The following IGDCC4 variants were observed in gnomAD, a reference collection of about 807,000 sequenced individuals.
IGDCC4 encodes immunoglobulin superfamily DCC subclass member 4.
In IGDCC4, 72 loss-of-function variants were observed where a neutral mutation model predicts 116.6. That is an observed-to-expected ratio of 0.62 (90% CI 0.51 to 0.75). IGDCC4 has a LOEUF of 0.75. Among genes scored for constraint, IGDCC4 ranks in the 30% least tolerant of loss-of-function variants. The pLI, the probability that IGDCC4 is intolerant of heterozygous loss-of-function variation, is 0.00. For synonymous variants in IGDCC4, 709 were observed against 719.9 expected (o/e 0.98, Z 0.24); for missense variants, 1,501 against 1,662.4 (o/e 0.90, Z 1.69).
chr15:65,384,280 G>A lies in IGDCC4; in HGVS notation c.3482C>T (p.Pro1161Leu), dbSNP rs61747070. 4.7e-3 allele frequency: 7,614 copies of A among 1,606,874 alleles called. 290 individuals are homozygous for A. In the African/African-American group the frequency reaches 0.088, roughly 19 times the overall value. ...ACCCGAGATGAGATCAGGAGCCTCT[G>A]GAGGCAGGGGGTCCTCAGGCTCCAG... ...QDLEPEDPLP[P>L]EAPDLISGVG... Residue 1161 changes from proline (P) to leucine (L), a missense_variant, in exon 20 of 20, where the codon CCA (proline) becomes CTA (leucine). By Grantham distance (98) the Pro-to-Leu change is moderately conservative. Coordinates refer to ENST00000352385, the MANE Select transcript of IGDCC4 (RefSeq NM_020962.3). This position sits in a 1 kb window ranked among gnomAD's most constrained non-coding sequence, Gnocchi z 4.9.
chr15:65,395,268 CG>C lies in IGDCC4; in HGVS notation c.1412-11del, dbSNP rs1325344370. On this transcript the variant is annotated splice_polypyrimidine_tract_variant and intron_variant, in intron 7 of 19. Coordinates refer to ENST00000352385, the MANE Select transcript of IGDCC4 (RefSeq NM_020962.3). ...TCCACATTGTCCATGCCTGGTGACA[CG>C]GGGGACAAGGGGACTGTCATAGTGC... 3 of 1,604,092 alleles carry C rather than the reference CG, an allele frequency of 1.9e-6. No individual in the cohort carries two copies. Among genetic ancestry groups the C allele is most frequent in the Non-Finnish European group, 1.7e-6 (2 of 1,172,412 alleles).
At chr15:65,413,836 G>A (rs779336629) in intron 1 of IGDCC4, among the ~76,000 whole-genome samples, 1 of 152,174 alleles carries the variant, frequency 6.6e-6, no homozygotes, top group African/African-American at 2.4e-5. Context: ...GGAGACCCTC[G>A]GTTCTAGATC....
intron 9 of IGDCC4, 120 bp downstream of exon 9, chr15:65,394,291 A>G: frequency 6.7e-7 from 1 of 1,489,944 alleles, no homozygotes; most frequent in Non-Finnish European, 9.1e-7. Flanking sequence ...ACCCTTCCCC[A>G]ACCCCTACTC....
In IGDCC4 at chr15:65,384,781, A is replaced by G; in HGVS notation, c.3342+173T>C. ...AACCCAGGTTGAAACAGGTTCCTGC[A>G]AACTGGCCTGCCCTCCACCTACTCA... On this transcript the variant is annotated intron_variant, in intron 19 of 19. Coordinates refer to ENST00000352385, the MANE Select transcript of IGDCC4 (RefSeq NM_020962.3). This position sits in a 1 kb window ranked among gnomAD's most constrained non-coding sequence, Gnocchi z 4.9. 1 of 829,684 alleles carries G rather than the reference A, an allele frequency of 1.2e-6. No individual in the cohort carries two copies. Among genetic ancestry groups the G allele is most frequent in the Non-Finnish European group, 1.8e-6 (1 of 549,830 alleles). The allele number at this position is 829,684 out of a possible 1,614,324, so 51.4% of individuals were successfully genotyped here.
At chr15:65,409,451 A>T (rs2063068857) in intron 3 of IGDCC4, among the ~76,000 whole-genome samples, 1 of 152,142 alleles carries the variant, frequency 6.6e-6, no homozygotes, top group Non-Finnish European at 1.5e-5. Flanking sequence ...GATACGTAAG[A>T]ATCCAGGGGG....
intron 1 of IGDCC4, among the ~76,000 whole-genome samples, chr15:65,412,509 C>A (rs1474652399): frequency 3.6e-5 from 1 of 27,514 alleles, no homozygotes; most frequent in Non-Finnish European, 5.2e-5. Context: ...GAGATTCCAT[C>A]TCAAAAAAAA....
At chr15:65,400,708 C>T in intron 5 of IGDCC4, 98 bp downstream of exon 5, 2 of 1,434,826 alleles carry the variant, frequency 1.4e-6, no homozygotes, top group Non-Finnish European at 1.9e-6. Flanking sequence ...GGTTCGTGAC[C>T]ACTGGGTCGT....
In IGDCC4 at chr15:65,385,879, G is replaced by C. The variant is rs2091451405; in HGVS notation, c.3132C>G (p.Ser1044Arg). Residue 1044 changes from serine (S) to arginine (R), a missense_variant, in exon 18 of 20, where the codon AGC becomes AGG. By Grantham distance (110) the Ser-to-Arg change is moderately radical. Coordinates refer to ENST00000352385, the MANE Select transcript of IGDCC4 (RefSeq NM_020962.3). Reference sequence around the variant, plus strand: ...CTTCAGAAACACCGCCACCCATAAGGCTGTGCACTTCAGCCCTGTCCTCCA... The same window carrying C: ...CTTCAGAAACACCGCCACCCATAAGCCTGTGCACTTCAGCCCTGTCCTCCA... ...SDVEDRAEVHSLMGGGVSEGR... is the reference protein window; with the variant it reads ...SDVEDRAEVHRLMGGGVSEGR... 2 of 1,612,740 alleles carry C rather than the reference G, an allele frequency of 1.2e-6. No homozygotes were observed. The highest frequency in any genetic ancestry group is 1.7e-5 in the Admixed American group (1 of 60,002).
chr15:65,390,789 T>C (rs2091507186), intron 12 of IGDCC4, among the ~76,000 whole-genome samples: 1 of 152,164 alleles, frequency 6.6e-6, no homozygotes, highest in Admixed American at 6.5e-5. Context: ...TAATAAACAC[T>C]ATATTTATAA....
At chr15:65,392,512 T>C in intron 10 of IGDCC4, 142 bp from the exon 11 acceptor site, 1 of 632,608 alleles carries the variant, frequency 1.6e-6, no homozygotes, top group East Asian at 2.8e-5. Context: ...GCCAGCATTC[T>C]CCCAACACAT....
chr15:65,388,490 G>A lies in IGDCC4; in HGVS notation c.2804C>T (p.Ser935Phe). The A allele has an allele frequency of 1.2e-6, 2 of 1,614,158 alleles. No individual in the cohort carries two copies. Among genetic ancestry groups the A allele is most frequent in the Non-Finnish European group, 1.7e-6 (2 of 1,180,026 alleles). ...GAGCGTGATCACATCCTGCAGGCGG[G>A]AGAAAGGCCCAGGTCCCACCTCTGT... ...ARTEVGPGPF[S>F]RLQDVITLQE... Residue 935 changes from serine to phenylalanine, a missense_variant, in exon 16 of 20, where the codon TCC becomes TTC. This residue lies in a region of IGDCC4 where 235 missense variants were observed against 328.0 expected (regional missense o/e 0.72). Coordinates refer to ENST00000352385, the MANE Select transcript of IGDCC4 (RefSeq NM_020962.3).
intron 1 of IGDCC4, among the ~76,000 whole-genome samples, chr15:65,413,593 TTC>T (rs755979406): frequency 6.6e-6 from 1 of 152,210 alleles, no homozygotes; most frequent in Non-Finnish European, 1.5e-5. Flanking sequence ...AAATGGTTGG[TTC>T]TCCCTGTTGT....
chr15:65,391,830 G>C, intron 12 of IGDCC4, 50 bp downstream of exon 12: 1 of 1,526,010 alleles, frequency 6.6e-7, no homozygotes, highest in Non-Finnish European at 9.0e-7. Context: ...GAAGCGGCTA[G>C]CAGAGCCCTC....
At chr15:65,415,260 T>C (rs1303275144) in intron 1 of IGDCC4, among the ~76,000 whole-genome samples, 2 of 152,186 alleles carry the variant, frequency 1.3e-5, no homozygotes, top group East Asian at 1.9e-4. Flanking sequence ...CCCTAAAGCA[T>C]GTCCCAGGCT....
At chr15:65,421,956 C>T (rs954255999) in intron 1 of IGDCC4, among the ~76,000 whole-genome samples, 1 of 152,160 alleles carries the variant, frequency 6.6e-6, no homozygotes, top group African/African-American at 2.4e-5. Flanking sequence ...CCCGTACCCA[C>T]TCCGCACTGG....
chr15:65,408,838 CTT>C (rs397702487), intron 3 of IGDCC4, among the ~76,000 whole-genome samples: 45 of 118,624 alleles, frequency 3.8e-4, no homozygotes, highest in Admixed American at 3.5e-4. Flanking sequence ...ATGTCTCTCT[CTT>C]TTTTTTTTTT....
chr15:65,385,525 T>C (rs1350895928), intron 18 of IGDCC4: 1 of 543,478 alleles, frequency 1.8e-6, no homozygotes, highest in Admixed American at 3.2e-5. Context: ...CACACGGGGA[T>C]GTCTGGGTCT....
At chr15:65,403,639 T>C (rs922252553) in intron 3 of IGDCC4, among the ~76,000 whole-genome samples, 2 of 152,088 alleles carry the variant, frequency 1.3e-5, no homozygotes, top group African/African-American at 4.8e-5. Context: ...ACCCAAGTCT[T>C]CTGGTGCCAA....
At chr15:65,406,457 G>C (rs1319485504) in intron 3 of IGDCC4, among the ~76,000 whole-genome samples, 1 of 152,120 alleles carries the variant, frequency 6.6e-6, no homozygotes, top group African/African-American at 2.4e-5. Context: ...CCTATTATTA[G>C]AAAATAGTAT....
Sources: allele counts gnomAD v4.1 joint callset (sites outside exome capture counted in the v4.1 genomes callset), GRCh38; gene constraint gnomAD v4.1.1; regional missense constraint gnomAD v4.1.1; non-coding constraint Gnocchi (gnomAD v3.1); transcripts MANE v1.5; gene names NCBI Gene and HGNC (gene_info 2026-07-23, HGNC 2026-07-21).